ST7: variants seen among roughly 807,000 people sequenced by gnomAD.
ST7 encodes the protein suppression of tumorigenicity 7.
ST7 carries 28 observed loss-of-function variants against 78.7 expected under a neutral mutation model. The ratio of observed to expected loss-of-function variants is 0.36; its 90% CI spans 0.26 to 0.49. The LOEUF is 0.49. ST7 is among the 20% of genes least tolerant of loss of function. The pLI, the probability that ST7 is intolerant of heterozygous loss-of-function variation, is 0.99. For synonymous variants in ST7, 247 were observed against 249.6 expected, an observed-to-expected ratio of 0.99 and a Z score of 0.10; for missense variants, 418 against 696.0, an observed-to-expected ratio of 0.60 and a Z score of 4.49.
At chr7:117,160,653 GTA>G (rs1554443282) in intron 9 of ST7, among the ~76,000 whole-genome samples, 69 of 147,372 alleles carry the variant, frequency 4.7e-4, no homozygotes, top group Admixed American at 1.8e-3. Flanking sequence ...GTGTGTGTGT[GTA>G]TATATATATA....
At chr7:116,995,625 C>T (rs1417509360) in intron 1 of ST7, among the ~76,000 whole-genome samples, 2 of 152,200 alleles carry the variant, frequency 1.3e-5, no homozygotes, top group African/African-American at 2.4e-5. Flanking sequence ...CTTAGTTTGA[C>T]TGTGCTTGCC....
chr7:117,009,393 G>C (rs1310935880), intron 1 of ST7, among the ~76,000 whole-genome samples: 1 of 151,820 alleles, frequency 6.6e-6, no homozygotes, highest in Non-Finnish European at 1.5e-5. Flanking sequence ...ACACAGGAAG[G>C]TCTGTGGTTT....
At chr7:117,044,447 A>G (rs541197041) in intron 1 of ST7, among the ~76,000 whole-genome samples, 1 of 152,252 alleles carries the variant, frequency 6.6e-6, no homozygotes, top group South Asian at 2.1e-4. Flanking sequence ...CCTGGGTTCA[A>G]GCAATTCTTG....
intron 15 of ST7, among the ~76,000 whole-genome samples, chr7:117,224,240 T>C (rs111590041): frequency 6.6e-6 from 1 of 152,316 alleles, no homozygotes; most frequent in South Asian, 2.1e-4. Context: ...CTCCTTCCTC[T>C]TGCAAATTCT....
chr7:117,032,311 G>A (rs1042050704), intron 1 of ST7, among the ~76,000 whole-genome samples: 1 of 151,880 alleles, frequency 6.6e-6, no homozygotes, highest in Non-Finnish European at 1.5e-5. Flanking sequence ...TCGTATCTTA[G>A]GAAATCACTT....
At chr7:116,955,103 A>G in intron 1 of ST7, 1 of 470,938 alleles carries the variant, frequency 2.1e-6, no homozygotes. Context: ...CTCGCTTTTC[A>G]TCTTTTTGGA....
At chr7:117,195,378 A>G (rs925971352) in intron 12 of ST7, among the ~76,000 whole-genome samples, 3 of 149,724 alleles carry the variant, frequency 2.0e-5, no homozygotes, top group African/African-American at 7.4e-5. Context: ...TTATGGGTGT[A>G]AGGTAAAAAA....
At chr7:117,052,904 A>AAAAC (rs936032263) in intron 1 of ST7, among the ~76,000 whole-genome samples, 5 of 152,288 alleles carry the variant, frequency 3.3e-5, no homozygotes, top group African/African-American at 1.2e-4. Flanking sequence ...AAAAAACAAA[A>AAAAC]AAACAAACAA....
chr7:117,131,782 C>A, intron 5 of ST7, 103 bp from the exon 6 acceptor site: 1 of 1,024,914 alleles, frequency 9.8e-7, no homozygotes, highest in South Asian at 1.4e-5. Context: ...GAAATATGTT[C>A]TTGTAATTTA....
At chr7:117,006,126 C>T (rs757996305) in intron 1 of ST7, among the ~76,000 whole-genome samples, 18 of 152,186 alleles carry the variant, frequency 1.2e-4, no homozygotes, top group Non-Finnish European at 2.4e-4. Context: ...ACTTTTTCCA[C>T]CTGATACCTT....
chr7:117,061,541 C>T (rs1419119033), intron 1 of ST7, among the ~76,000 whole-genome samples: 3 of 151,880 alleles, frequency 2.0e-5, no homozygotes, highest in Non-Finnish European at 4.4e-5. Context: ...TATCTGAATC[C>T]CAGTCTCAGT....
At chr7:117,223,304 G>A (rs1197974843) in intron 15 of ST7, 11 of 295,018 alleles carry the variant, frequency 3.7e-5, no homozygotes, top group East Asian at 2.2e-4. Flanking sequence ...ATCCTCCACC[G>A]TCTTTCTTTT....
chr7:117,035,617 T>C (rs1265733152), intron 1 of ST7, among the ~76,000 whole-genome samples: 1 of 152,194 alleles, frequency 6.6e-6, no homozygotes, highest in Non-Finnish European at 1.5e-5. Context: ...TTTTTAAGGC[T>C]TTTTCATTTT....
intron 1 of ST7, among the ~76,000 whole-genome samples, chr7:116,999,351 T>C (rs766290980): frequency 1.3e-5 from 2 of 152,242 alleles, no homozygotes; most frequent in African/African-American, 4.8e-5. Context: ...CAGGAACTTA[T>C]ATACTAAGCA....
intron 9 of ST7, among the ~76,000 whole-genome samples, chr7:117,150,578 C>T (rs183648659): frequency 5.7e-4 from 87 of 152,276 alleles, no homozygotes; most frequent in Middle Eastern, 3.4e-3. Flanking sequence ...TTTTCCCTGG[C>T]TCTTCCTGCC....
At chr7:116,960,692 G>T (rs1792781924) in intron 1 of ST7, among the ~76,000 whole-genome samples, 1 of 152,106 alleles carries the variant, frequency 6.6e-6, no homozygotes, top group African/African-American at 2.4e-5. Context: ...TTGTACATTT[G>T]TTTAAGTTCC....
chr7:117,021,035 A>G (rs1240040279), intron 1 of ST7, among the ~76,000 whole-genome samples: 1 of 152,222 alleles, frequency 6.6e-6, no homozygotes, highest in Non-Finnish European at 1.5e-5. Context: ...TCATCTAAAG[A>G]GATAAATAGT....
Position 117,092,278 on chromosome 7 carries a change from C to CAAA in ST7, c.152-7460_152-7458dup, listed in dbSNP as rs747378081. On this transcript the variant is annotated intron_variant, in intron 1 of 15. Transcript: ENST00000323984. ...TGGGCGACAGAGTGAGACTCCGTCT[C>CAAA]AAAAAAAAAAAAAAAAAAAAAAAAA... is the stretch of plus-strand genomic sequence containing the variant. Among the ~76,000 whole-genome samples, 103 of 30,258 alleles carry CAAA rather than the reference C, an allele frequency of 3.4e-3. 4 individuals carry two copies. The highest frequency in any genetic ancestry group is 6.0e-3 in the Non-Finnish European group (85 of 14,130). The allele number at this position is 30,258 out of a possible 152,430, so 19.9% of individuals were successfully genotyped here.
chr7:117,050,468 T>G (rs1234121872), intron 1 of ST7, among the ~76,000 whole-genome samples: 1 of 152,204 alleles, frequency 6.6e-6, no homozygotes, highest in East Asian at 1.9e-4. Context: ...TTACAATTGT[T>G]TACATTTCTC....
Sources: allele counts gnomAD v4.1 joint callset (sites outside exome capture counted in the v4.1 genomes callset), GRCh38; gene constraint gnomAD v4.1.1; transcripts MANE v1.5; gene names NCBI Gene and HGNC (gene_info 2026-07-23, HGNC 2026-07-21).